The following PCSK5 variants were observed in gnomAD, a reference collection of about 807,000 sequenced individuals.
PCSK5 encodes prohormone convertase 5.
PCSK5 carries 129 observed loss-of-function variants against 233.2 expected under a neutral mutation model. That is an observed-to-expected ratio of 0.55 (90% CI 0.48 to 0.64). The LOEUF is 0.64. Ranked by LOEUF, PCSK5 falls within the 30% of genes least tolerant of loss-of-function variation. The pLI is 0.00. For missense variants in PCSK5, 2,076 were observed against 2,430.1 expected, an observed-to-expected ratio of 0.85 and a Z score of 3.06; for synonymous variants, 825 against 879.2, an observed-to-expected ratio of 0.94 and a Z score of 1.09.
chr9:76,101,407 G>A (rs928363320), intron 8 of PCSK5, among the ~76,000 whole-genome samples: 1 of 152,134 alleles, frequency 6.6e-6, no homozygotes, highest in African/African-American at 2.4e-5. Context: ...ACATGATAAA[G>A]CTGTTCATGT....
intron 1 of PCSK5, among the ~76,000 whole-genome samples, chr9:75,929,861 CTTTTTTTTTTT>C (rs146665133): frequency 7.4e-6 from 1 of 135,162 alleles, no homozygotes; most frequent in South Asian, 2.4e-4. Context: ...TGTCAGATCT[CTTTTTTTTTTT>C]TTTTTTTTAA....
At chr9:76,089,805 G>T (rs147336836) in intron 7 of PCSK5, among the ~76,000 whole-genome samples, 4 of 152,078 alleles carry the variant, frequency 2.6e-5, no homozygotes, top group African/African-American at 9.7e-5. Context: ...AGCCTGGCTC[G>T]GATTGTATGA....
chr9:76,026,771 G>A (rs575346739), intron 4 of PCSK5, among the ~76,000 whole-genome samples, 190 bp from the exon 5 acceptor site: 30 of 152,226 alleles, frequency 2.0e-4, no homozygotes, highest in African/African-American at 6.7e-4. Context: ...GAAAAATATG[G>A]CACTAATTAT....
intron 27 of PCSK5, among the ~76,000 whole-genome samples, chr9:76,300,454 A>T: frequency 6.6e-6 from 1 of 152,210 alleles, no homozygotes; most frequent in Admixed American, 6.5e-5. Flanking sequence ...TATACTCAGG[A>T]GTTCTGGAAG....
At chr9:75,984,821 A>C (rs1359376938) in intron 2 of PCSK5, among the ~76,000 whole-genome samples, 2 of 152,178 alleles carry the variant, frequency 1.3e-5, no homozygotes, top group Admixed American at 6.6e-5. Context: ...TTTGAAATGA[A>C]GAGGTTAAAT....
At chr9:76,327,837 C>T (rs1367996283) in intron 32 of PCSK5, among the ~76,000 whole-genome samples, 172 bp from the exon 33 acceptor site, 1 of 152,152 alleles carries the variant, frequency 6.6e-6, no homozygotes, top group African/African-American at 2.4e-5. Flanking sequence ...TGGTCCACCC[C>T]AGAGCTCAAG....
intron 5 of PCSK5, among the ~76,000 whole-genome samples, chr9:76,064,281 G>C (rs1830173606): frequency 1.1e-5 from 1 of 91,128 alleles, no homozygotes; most frequent in Non-Finnish European, 2.1e-5. Context: ...CGGGCTAAGG[G>C]GCTCCTCACT....
chr9:76,083,741 C>T (rs1564015906), intron 7 of PCSK5, among the ~76,000 whole-genome samples: 2 of 152,208 alleles, frequency 1.3e-5, no homozygotes, highest in Non-Finnish European at 2.9e-5. Context: ...GCAAAGATTG[C>T]TTGTACATAC....
intron 10 of PCSK5, among the ~76,000 whole-genome samples, chr9:76,155,194 C>T (rs1391397240): frequency 6.6e-6 from 1 of 151,984 alleles, no homozygotes; most frequent in Non-Finnish European, 1.5e-5. Flanking sequence ...GTAAGGAGAC[C>T]TTACATTCAT....
At chr9:75,927,841 CT>C (rs1383505354) in intron 1 of PCSK5, among the ~76,000 whole-genome samples, 3 of 152,168 alleles carry the variant, frequency 2.0e-5, no homozygotes, top group African/African-American at 7.2e-5. Flanking sequence ...GCTCTGTGAA[CT>C]CATTTATTTG....
At chr9:76,237,136 G>C (rs139563035) in intron 22 of PCSK5, among the ~76,000 whole-genome samples, 1 of 152,144 alleles carries the variant, frequency 6.6e-6, no homozygotes, top group Admixed American at 6.5e-5. Context: ...CATTTGCAAC[G>C]GTTTCATAAA....
At chr9:75,997,925 C>T (rs1345491753) in intron 3 of PCSK5, among the ~76,000 whole-genome samples, 3 of 152,116 alleles carry the variant, frequency 2.0e-5, no homozygotes, top group Non-Finnish European at 4.4e-5. Flanking sequence ...CTTTTAGTTT[C>T]CTGGTGAGTT....
At chr9:76,124,257 TGTTTATTTCATGGG>T (rs1832754748) in intron 9 of PCSK5, among the ~76,000 whole-genome samples, 1 of 152,206 alleles carries the variant, frequency 6.6e-6, no homozygotes, top group African/African-American at 2.4e-5. Context: ...ATAATAATGC[TGTTTATTTCATGGG>T]GTTGTGTGTT....
intron 20 of PCSK5, among the ~76,000 whole-genome samples, chr9:76,225,844 G>A (rs1040223310): frequency 7.2e-5 from 11 of 152,112 alleles, no homozygotes; most frequent in African/African-American, 1.9e-4. Flanking sequence ...AGAGGCAGGC[G>A]CAGCCTACAC....
chr9:75,898,951 G>T (rs973162469), intron 1 of PCSK5, among the ~76,000 whole-genome samples: 4 of 152,198 alleles, frequency 2.6e-5, no homozygotes, highest in African/African-American at 9.7e-5. Flanking sequence ...GTTCAGTCAC[G>T]CCTTGGGAGA....
rs1827062796 is a variant in PCSK5 at position 75,997,322 on chromosome 9, TA to T, written c.411+11081del. On this transcript the variant is annotated intron_variant, in intron 3 of 37. Coordinates refer to ENST00000674117, the MANE Select transcript of PCSK5 (RefSeq NM_001372043.1). ...GAACTTGGCTAGGAAATTCATGGAG[TA>T]AAAGGAATGATTTTTAGCAATCCAG... Among the ~76,000 whole-genome samples, 9 of 152,192 alleles carry T rather than the reference TA, an allele frequency of 5.9e-5. No individual in the cohort carries two copies. In the South Asian group the frequency reaches 1.7e-3, roughly 28 times the overall value.
intron 2 of PCSK5, among the ~76,000 whole-genome samples, chr9:75,958,051 G>T (rs1257448047): frequency 6.6e-6 from 1 of 152,168 alleles, no homozygotes; most frequent in Non-Finnish European, 1.5e-5. Flanking sequence ...TTTGTTCCAG[G>T]CGGTTATTCA....
chr9:76,196,634 C>A (rs1220239632), intron 20 of PCSK5, among the ~76,000 whole-genome samples: 1 of 152,208 alleles, frequency 6.6e-6, no homozygotes. Context: ...AGAGCCTCTA[C>A]TGCTTTGAAG....
chr9:76,253,472 C>T (rs1021216714), intron 24 of PCSK5, among the ~76,000 whole-genome samples: 5 of 152,138 alleles, frequency 3.3e-5, no homozygotes, highest in Non-Finnish European at 5.9e-5. Flanking sequence ...ACTAAGAAGA[C>T]ATAAAACCTT....
Sources: gnomAD v4.1 joint callset for allele counts (sites outside exome capture counted in the v4.1 genomes callset) on GRCh38, gnomAD v4.1.1 for gene constraint, MANE v1.5 for transcripts, NCBI Gene and HGNC (gene_info 2026-07-23, HGNC 2026-07-21) for gene names.